AGBL1: variants seen among roughly 807,000 people sequenced by gnomAD.
The protein encoded by AGBL1 is cytosolic carboxypeptidase 4.
Under a neutral mutation model 118.9 loss-of-function variants are expected in AGBL1, and 130 were observed. The ratio of observed to expected loss-of-function variants is 1.09; its 90% CI spans 0.95 to 1.26. The LOEUF (loss-of-function observed/expected upper bound fraction) is 1.26, where lower values mean the gene tolerates loss of function less well. AGBL1 is among the 50% of genes most tolerant of loss of function. The probability of loss-of-function intolerance (pLI) is 0.00; values close to 1 mark genes in which losing one functional copy is unlikely to be tolerated. For missense variants in AGBL1, 1,584 were observed against 1,298.1 expected (o/e 1.22, Z -3.38); for synonymous variants, 555 against 478.9 (o/e 1.16, Z -2.08).
At chr15:86,135,446 A>G (rs1306404483) in intron 1 of AGBL1, among the ~76,000 whole-genome samples, 1 of 152,188 alleles carries the variant, frequency 6.6e-6, no homozygotes, top group Non-Finnish European at 1.5e-5. Flanking sequence ...GGCACTCTGT[A>G]TTTGCTTGCT....
intron 23 of AGBL1, among the ~76,000 whole-genome samples, chr15:86,937,160 T>C (rs1311012849): frequency 1.3e-5 from 2 of 152,194 alleles, no homozygotes; most frequent in African/African-American, 2.4e-5. Context: ...TAACAGATGC[T>C]AGTGAGGTTG....
chr15:86,731,439 T>A (rs1417477778), intron 22 of AGBL1, among the ~76,000 whole-genome samples: 2 of 152,228 alleles, frequency 1.3e-5, no homozygotes, highest in Non-Finnish European at 2.9e-5. Flanking sequence ...CTGCGATCTT[T>A]CTGCTTTTTA....
At chr15:86,661,806 C>G (rs895555214) in intron 21 of AGBL1, among the ~76,000 whole-genome samples, 12 of 152,146 alleles carry the variant, frequency 7.9e-5, no homozygotes, top group Non-Finnish European at 1.5e-4. Flanking sequence ...CCAAGTCACT[C>G]TCGTCGCTCT....
chr15:87,017,468 A>T (rs1244794539), intron 24 of AGBL1, among the ~76,000 whole-genome samples: 1 of 152,106 alleles, frequency 6.6e-6, no homozygotes, highest in Non-Finnish European at 1.5e-5. Context: ...GCCTTCACTG[A>T]TTGATAATAC....
At chr15:86,181,132 A>G (rs1401109195) in intron 5 of AGBL1, among the ~76,000 whole-genome samples, 2 of 152,044 alleles carry the variant, frequency 1.3e-5, no homozygotes, top group Non-Finnish European at 2.9e-5. Context: ...ACACACACCT[A>G]TCATATTGTT....
At chr15:86,332,946 A>T (rs72754301) in intron 17 of AGBL1, among the ~76,000 whole-genome samples, 283 of 152,336 alleles carry the variant, frequency 1.9e-3, no homozygotes, top group Middle Eastern at 3.4e-3. Flanking sequence ...ATGAGTTTTG[A>T]GTAAACAATG....
At chr15:86,661,991 A>G (rs1402835787) in intron 21 of AGBL1, among the ~76,000 whole-genome samples, 2 of 152,196 alleles carry the variant, frequency 1.3e-5, no homozygotes, top group African/African-American at 4.8e-5. Flanking sequence ...ATCTTACCTC[A>G]TTCAACAACT....
chr15:86,991,914 C>T (rs1360094783), intron 24 of AGBL1, among the ~76,000 whole-genome samples: 1 of 152,128 alleles, frequency 6.6e-6, no homozygotes, highest in East Asian at 1.9e-4. Flanking sequence ...TTTTGTCTTT[C>T]TCTGTATCTT....
chr15:86,807,595 C>A (rs1290622427), intron 22 of AGBL1, among the ~76,000 whole-genome samples: 3 of 151,854 alleles, frequency 2.0e-5, no homozygotes, highest in Non-Finnish European at 4.4e-5. Context: ...GGTCTGTGTA[C>A]CTTGGAAGTC....
chr15:86,684,967 T>C (rs74025423), intron 22 of AGBL1, among the ~76,000 whole-genome samples: 6,137 of 152,174 alleles, frequency 0.04, 407 homozygotes, highest in African/African-American at 0.14. Context: ...ACTGGATAGA[T>C]GATAAAGAAA....
At chr15:86,173,101 C>T (rs1296223499) in intron 5 of AGBL1, 2 of 151,778 alleles carry the variant, frequency 1.3e-5, no homozygotes, top group Non-Finnish European at 2.9e-5. Flanking sequence ...CTTGGTGATT[C>T]GTGATAGTGA....
chr15:86,145,722 A>G (rs1195934242), intron 3 of AGBL1, among the ~76,000 whole-genome samples: 2 of 152,200 alleles, frequency 1.3e-5, no homozygotes, highest in African/African-American at 4.8e-5. Context: ...TTCAACAGAT[A>G]TTTACTGCAT....
chr15:86,375,180 C>T (rs963364402), intron 17 of AGBL1, among the ~76,000 whole-genome samples: 4 of 152,162 alleles, frequency 2.6e-5, no homozygotes, highest in Admixed American at 1.3e-4. Flanking sequence ...TAGCCATTCT[C>T]ACACTGCCTA....
chr15:86,736,217 T>TA (rs1320533075), intron 22 of AGBL1, among the ~76,000 whole-genome samples: 1 of 152,006 alleles, frequency 6.6e-6, no homozygotes, highest in African/African-American at 2.4e-5. Context: ...CCATCTCTAC[T>TA]AAAAATACAA....
intron 17 of AGBL1, among the ~76,000 whole-genome samples, chr15:86,353,707 A>G (rs1027174409): frequency 2.0e-5 from 3 of 152,218 alleles, no homozygotes; most frequent in African/African-American, 7.2e-5. Flanking sequence ...TGGATGAGTT[A>G]CTGGAATTCA....
chr15:86,823,707 G>T (rs940113347), intron 22 of AGBL1, among the ~76,000 whole-genome samples: 2 of 152,022 alleles, frequency 1.3e-5, no homozygotes, highest in Non-Finnish European at 2.9e-5. Context: ...GACTGGACAG[G>T]GTAGAATTTA....
At chr15:86,292,518 A>G (rs2079563687) in intron 16 of AGBL1, among the ~76,000 whole-genome samples, 5 of 152,206 alleles carry the variant, frequency 3.3e-5, no homozygotes. Flanking sequence ...TTAACCTACA[A>G]AATTTGTGAT....
In AGBL1 at chr15:86,625,699, G is replaced by A. The variant is rs114576634; in HGVS notation, c.2995-48574G>A. ...GTAGCAAAATGGGTCAAGAATGGCA[G>A]GTAAAGGATAAACAGAAGAGAAACA... On this transcript the variant is annotated intron_variant, in intron 21 of 22. Coordinates refer to ENST00000614907, the MANE Select transcript of AGBL1 (RefSeq NM_001386094.1). 9.1e-3 allele frequency among the ~76,000 whole-genome samples: 1,377 copies of A among 152,098 alleles called. 27 individuals are homozygous for A. The highest frequency in any genetic ancestry group is 0.031 in the African/African-American group (1,281 of 41,488).
rs200593173 is a variant in AGBL1 at position 86,121,251 on chromosome 15, GA to G, written c.52-20749del. On this transcript the variant is annotated intron_variant, in intron 1 of 22. Transcript: ENST00000614907. Reference sequence around the variant, plus strand: ...GGTCTATGGTCATTTTAGAACAATTGAAAATTGAATAAGCAAAAATAATTTG... The same window carrying G: ...GGTCTATGGTCATTTTAGAACAATTGAAATTGAATAAGCAAAAATAATTTG... 9.9e-3 allele frequency among the ~76,000 whole-genome samples: 1,505 copies of G among 152,188 alleles called. 17 individuals are homozygous for G. Among genetic ancestry groups the G allele is most frequent in the African/African-American group, 0.035 (1,449 of 41,542 alleles).
Sources: gnomAD v4.1 joint callset for allele counts (sites outside exome capture counted in the v4.1 genomes callset) on GRCh38, gnomAD v4.1.1 for gene constraint, MANE v1.5 for transcripts, NCBI Gene and HGNC (gene_info 2026-07-23, HGNC 2026-07-21) for gene names.